The following HSPA4 variants were observed in gnomAD, a reference collection of about 807,000 sequenced individuals.
The protein encoded by HSPA4 is heat shock 70 kDa protein 4.
HSPA4 carries 25 observed loss-of-function variants against 106.2 expected under a neutral mutation model. That is an observed-to-expected ratio of 0.24 (90% confidence interval 0.17 to 0.33). The LOEUF (loss-of-function observed/expected upper bound fraction) is 0.33. HSPA4 is among the 10% of genes least tolerant of loss of function. The probability of loss-of-function intolerance (pLI) is 1.00; values close to 1 mark genes in which losing one functional copy is unlikely to be tolerated. For synonymous variants in HSPA4, 332 were observed against 333.6 expected (o/e 1.00, Z 0.05); for missense variants, 841 against 996.0 (o/e 0.84, Z 2.10).
At chr5:133,072,392 G>GGTTT (rs1765393044) in intron 4 of HSPA4, among the ~76,000 whole-genome samples, 1 of 75,732 alleles carries the variant, frequency 1.3e-5, no homozygotes, top group East Asian at 4.2e-4. Context: ...GTCCAGGGTT[G>GGTTT]TTTTTTTTTT....
chr5:133,075,649 A>G (rs1438955398), intron 6 of HSPA4, among the ~76,000 whole-genome samples: 1 of 151,710 alleles, frequency 6.6e-6, no homozygotes, highest in Admixed American at 6.6e-5. Flanking sequence ...GCAACATGGC[A>G]AAACCCCGTC....
At chr5:133,055,951 G>A (rs1765155251) in intron 1 of HSPA4, among the ~76,000 whole-genome samples, 2 of 152,050 alleles carry the variant, frequency 1.3e-5, no homozygotes, top group Non-Finnish European at 2.9e-5. Context: ...GGTGGCGGGC[G>A]CCTGTGGTCC....
intron 4 of HSPA4, 98 bp downstream of exon 4, chr5:133,070,594 G>C (rs1295961136): frequency 1.4e-6 from 2 of 1,415,560 alleles, no homozygotes; most frequent in Non-Finnish European, 2.0e-6. Flanking sequence ...GTCTCAGGTT[G>C]TAATGGTTAT....
intron 13 of HSPA4, among the ~76,000 whole-genome samples, chr5:133,095,294 T>TC (rs1438728691): frequency 1.3e-5 from 2 of 152,034 alleles, no homozygotes; most frequent in Admixed American, 6.6e-5. Flanking sequence ...AGAGCGAGAC[T>TC]CCATCTCAAA....
chr5:133,055,300 A>G (rs1235722474), intron 1 of HSPA4, among the ~76,000 whole-genome samples: 1 of 140,646 alleles, frequency 7.1e-6, no homozygotes, highest in Non-Finnish European at 1.5e-5. Flanking sequence ...TGGTAGCAGG[A>G]AGGTTGATTT....
chr5:133,077,746 A>G (rs1765463303), intron 7 of HSPA4, among the ~76,000 whole-genome samples: 1 of 152,106 alleles, frequency 6.6e-6, no homozygotes, highest in Admixed American at 6.6e-5. Flanking sequence ...GGCAAGACTG[A>G]TGGTGTATTT....
chr5:133,070,884 A>G (rs1007367045), intron 4 of HSPA4, among the ~76,000 whole-genome samples: 1 of 151,374 alleles, frequency 6.6e-6, no homozygotes, highest in Admixed American at 6.6e-5. Context: ...CCTGGGTGAC[A>G]AGAGCAAAAC....
intron 17 of HSPA4, 99 bp from the exon 18 acceptor site, chr5:133,103,766 A>G: frequency 1.0e-6 from 1 of 954,926 alleles, no homozygotes; most frequent in Non-Finnish European, 1.6e-6. Context: ...ATTTTTTGAA[A>G]GATTATAAGT....
At chr5:133,094,397 T>C (rs1302449096) in intron 13 of HSPA4, among the ~76,000 whole-genome samples, 1 of 152,274 alleles carries the variant, frequency 6.6e-6, no homozygotes, top group Non-Finnish European at 1.5e-5. Flanking sequence ...AAGTCCGTTG[T>C]ATATTTTCAT....
chr5:133,095,858 C>T (rs1765705241), intron 13 of HSPA4, among the ~76,000 whole-genome samples: 1 of 152,098 alleles, frequency 6.6e-6, no homozygotes, highest in South Asian at 2.1e-4. Context: ...CATTATTCCC[C>T]TCCCCCATCC....
At chr5:133,069,672 G>A (rs1765356845) in intron 3 of HSPA4, among the ~76,000 whole-genome samples, 1 of 152,168 alleles carries the variant, frequency 6.6e-6, no homozygotes, top group Admixed American at 6.5e-5. Context: ...TCCTAATTGT[G>A]GAGATGGATA....
chr5:133,074,022 G>T lies in HSPA4; in HGVS notation c.559G>T (p.Asp187Tyr). ...TCTTGCATATGGAATCTATAAGCAG[G>T]ATCTTCCTGCCTTAGAAGAGAAACC... ...VALAYGIYKQ[D>Y]LPALEEKPRN... The change falls in exon 6 of 19, where the codon GAT (aspartate) becomes TAT (tyrosine). Residue 187 changes from aspartate to tyrosine, a missense_variant. Asp to Tyr is a radical substitution (Grantham distance 160). Transcript: ENST00000304858. 1 of 1,599,648 alleles carries T rather than the reference G, an allele frequency of 6.3e-7. No homozygotes were observed.
intron 5 of HSPA4, among the ~76,000 whole-genome samples, chr5:133,073,578 G>T (rs926838273): frequency 6.6e-6 from 1 of 152,202 alleles, no homozygotes; most frequent in Non-Finnish European, 1.5e-5. Context: ...AACACTTAGC[G>T]TGTGGAGCAG....
chr5:133,093,247 T>A (rs1366506396), intron 13 of HSPA4, among the ~76,000 whole-genome samples: 17 of 152,140 alleles, frequency 1.1e-4, no homozygotes, highest in Admixed American at 8.5e-4. Context: ...ACAATTTTTT[T>A]AGGAAGATTT....
At position 133,088,554 on chromosome 5, in the gene HSPA4, A is replaced by G. The variant is rs1310572734; in HGVS notation, c.1136A>G (p.Gln379Arg). The G allele has an allele frequency of 6.2e-7, 1 of 1,612,144 alleles. No homozygotes were observed. Among genetic ancestry groups the G allele is most frequent in the Admixed American group, 1.7e-5 (1 of 59,848 alleles). ...GCTGTCACTCGAGGCTGTGCATTGC[A>G]GGTGAATATTCTTTCTTTTATAGGT... ...DEAVTRGCAL[Q>R]CAILSPAFKV... The change falls in exon 9 of 19, where the codon CAG becomes CGG. Residue 379 changes from glutamine to arginine, a missense_variant and splice_region_variant. This residue lies in a region of HSPA4 where 162 missense variants were observed against 177.7 expected (regional missense o/e 0.91). Transcript: ENST00000304858.
rs564603185 is a variant in HSPA4 at position 133,075,298 on chromosome 5, A to G, written c.663+1172A>G. On this transcript the variant is annotated intron_variant, in intron 6 of 18. Coordinates refer to ENST00000304858, the MANE Select transcript of HSPA4 (RefSeq NM_002154.4). ...TTTCTAAGATCTATGCTATGCTTTC[A>G]TCTTTTTAAACGGAAGACTCTGGTT... Among the ~76,000 whole-genome samples the G allele has an allele frequency of 3.9e-5, 6 of 152,332 alleles. No homozygotes were observed. In the South Asian group the frequency reaches 8.3e-4, roughly 21 times the overall value.
At chr5:133,088,702 T>G (rs1765609378) in intron 9 of HSPA4, 147 bp downstream of exon 9, 1 of 657,718 alleles carries the variant, frequency 1.5e-6, no homozygotes, top group Non-Finnish European at 2.7e-6. Context: ...AGAGGTGATG[T>G]TCCTAAAAAT....
Position 133,077,527 on chromosome 5 carries a change from C to T in HSPA4, c.908+629C>T, listed in dbSNP as rs968688089. Among the ~76,000 whole-genome samples, 7 of 152,298 alleles carry T rather than the reference C, an allele frequency of 4.6e-5. No individual in the cohort carries two copies. In the East Asian group the frequency reaches 7.7e-4, roughly 17 times the overall value. ...TATGAGGATTACAGGTGTGAGCCAC[C>T]GTGCCTAGCCCGAAATTTTTCTTTT... On this transcript the variant is annotated intron_variant, in intron 7 of 18. Coordinates refer to ENST00000304858, the MANE Select transcript of HSPA4 (RefSeq NM_002154.4).
At chr5:133,077,244 A>G (rs1561580448) in intron 7 of HSPA4, among the ~76,000 whole-genome samples, 1 of 150,332 alleles carries the variant, frequency 6.7e-6, no homozygotes, top group Non-Finnish European at 1.5e-5. Flanking sequence ...AGAAATTGTA[A>G]TTTTTTTTTT....
Sources: allele counts gnomAD v4.1 joint callset (sites outside exome capture counted in the v4.1 genomes callset), GRCh38; gene constraint gnomAD v4.1.1; regional missense constraint gnomAD v4.1.1; transcripts MANE v1.5; gene names NCBI Gene and HGNC (gene_info 2026-07-23, HGNC 2026-07-21).